Variants in PPEF1 observed in about 807,000 individuals in gnomAD.
PPEF1 encodes protein phosphatase with EF-hand domain 1.
A neutral mutation model predicts 53.3 loss-of-function variants in PPEF1; 12 were observed. That is an observed-to-expected ratio of 0.23 (90% CI 0.14 to 0.36). The LOEUF is 0.36. Ranked by LOEUF, PPEF1 falls within the 10% of genes least tolerant of loss-of-function variation. The pLI is 1.00. For missense variants in PPEF1, 334 were observed against 490.4 expected (o/e 0.68, Z 3.01); for synonymous variants, 165 against 176.7 (o/e 0.93, Z 0.52).
At chrX:18,778,843 T>A (rs750802889) in intron 6 of PPEF1, among the ~76,000 whole-genome samples, 167 bp from the exon 7 acceptor site, 4 of 111,320 alleles carry the variant, frequency 3.6e-5, no homozygotes, top group Non-Finnish European at 7.5e-5. Flanking sequence ...AGGAGATGCC[T>A]GCCGTGGAAG....
chrX:18,805,004 T>G (rs1281357825), intron 11 of PPEF1, among the ~76,000 whole-genome samples: 1 of 110,601 alleles, frequency 9.0e-6, no homozygotes, highest in Non-Finnish European at 1.9e-5. Flanking sequence ...TTCTTTTTTT[T>G]GAGACAGAGT....
chrX:18,786,422 A>G (rs1014463710), intron 9 of PPEF1, among the ~76,000 whole-genome samples: 1 of 111,826 alleles, frequency 8.9e-6, no homozygotes, highest in Non-Finnish European at 1.9e-5. Context: ...TTCCACACGT[A>G]TAAACTGAAG....
intron 10 of PPEF1, among the ~76,000 whole-genome samples, chrX:18,803,241 C>T (rs1047700694): frequency 8.8e-6 from 1 of 113,100 alleles, no homozygotes; most frequent in African/African-American, 3.2e-5. Flanking sequence ...AGGAGCATGT[C>T]CCTAAGGCAC....
At chrX:18,739,611 G>A (rs1008298825) in intron 3 of PPEF1, among the ~76,000 whole-genome samples, 14 of 112,242 alleles carry the variant, frequency 1.2e-4, no homozygotes, top group Non-Finnish European at 2.3e-4. Context: ...CAGTCTGTCC[G>A]TTGTCAGATC....
At chrX:18,811,508 T>G (rs1377121160) in intron 12 of PPEF1, among the ~76,000 whole-genome samples, 1 of 108,895 alleles carries the variant, frequency 9.2e-6, no homozygotes, top group Admixed American at 1.0e-4. Context: ...ATATTTCAGG[T>G]ACATTTTCCA....
At chrX:18,771,079 A>T (rs752054590) in intron 6 of PPEF1, among the ~76,000 whole-genome samples, 2 of 112,269 alleles carry the variant, frequency 1.8e-5, no homozygotes, top group Non-Finnish European at 1.9e-5. Context: ...CTAGAAAGCC[A>T]CATGGGGCCA....
At chrX:18,750,143 T>C (rs911776776) in intron 4 of PPEF1, among the ~76,000 whole-genome samples, 191 bp downstream of exon 4, 3 of 112,110 alleles carry the variant, frequency 2.7e-5, no homozygotes, top group African/African-American at 9.7e-5. Flanking sequence ...CTCTGTAGGC[T>C]AACAGCATTT....
chrX:18,738,959 C>T lies in PPEF1; in HGVS notation c.235+5151C>T, dbSNP rs779528521. On this transcript the variant is annotated intron_variant, in intron 3 of 15. Transcript: ENST00000470157. ...TGCATGCGTCATGTAATTCTCGTGCCGTGGTTTTCAGCTCCATCAGGTCAT... is the reference window on the plus strand; with the variant it reads ...TGCATGCGTCATGTAATTCTCGTGCTGTGGTTTTCAGCTCCATCAGGTCAT... 2.3e-4 allele frequency among the ~76,000 whole-genome samples: 26 copies of T among 112,153 alleles called. No individual in the cohort carries two copies. In the East Asian group the frequency reaches 3.3e-3, roughly 14 times the overall value.
intron 10 of PPEF1, among the ~76,000 whole-genome samples, chrX:18,792,556 T>A (rs7056846): frequency 0.012 from 1,300 of 111,198 alleles, 30 homozygotes; most frequent in African/African-American, 0.04. Flanking sequence ...TAATATTTCC[T>A]TTTTTTTGTT....
At chrX:18,749,757 A>ACCCCCCCCC in intron 3 of PPEF1, 35 bp from the exon 4 acceptor site, 1 of 81,195 alleles carries the variant, frequency 1.2e-5, no homozygotes. Flanking sequence ...TCCCACCCCC[A>ACCCCCCCCC]CCCCCACCCC....
chrX:18,811,703 G>A (rs6633152), intron 12 of PPEF1, among the ~76,000 whole-genome samples: 3 of 105,175 alleles, frequency 2.9e-5, no homozygotes, highest in African/African-American at 1.0e-4. Context: ...GGCCTGCGGG[G>A]CTCAATTGAT....
Position 18,769,824 on chromosome X carries a change from G to A in PPEF1, c.558+8248G>A, listed in dbSNP as rs191551037. Among the ~76,000 whole-genome samples, 9 of 112,173 alleles carry A rather than the reference G, an allele frequency of 8.0e-5. No individual in the cohort carries two copies. The East Asian group carries it at 8.4e-4, about 10-fold the overall frequency. ...GGGTTTGCAGAAGAAGAAAATTAAC[G>A]TGGAGTTGACCAGAGCTTATTGTTT... is the stretch of plus-strand genomic sequence containing the variant. On this transcript the variant is annotated intron_variant, in intron 6 of 15. Transcript: ENST00000470157.
At chrX:18,700,484 A>G (rs1358726689) in intron 6 of PPEF1, 2 of 109,643 alleles carry the variant, frequency 1.8e-5, no homozygotes, top group Non-Finnish European at 3.8e-5. Context: ...AGAAGTCTAC[A>G]TCATAAACAT....
chrX:18,719,962 C>A (rs1194335550), intron 1 of PPEF1, among the ~76,000 whole-genome samples: 2 of 111,825 alleles, frequency 1.8e-5, no homozygotes, highest in Admixed American at 1.9e-4. Flanking sequence ...TGGACACCAC[C>A]TTACCCAAGT....
chrX:18,706,818 CTTTTTTTTTTTTTT>C (rs767459911), upstream of PPEF1, among the ~76,000 whole-genome samples: 2 of 46,299 alleles, frequency 4.3e-5, no homozygotes, highest in Non-Finnish European at 4.1e-5. Context: ...TTCAAACCTC[CTTTTTTTTTTTTTT>C]TTTTTTTTTT....
chrX:18,759,556 T>C (rs1448852376), intron 5 of PPEF1, among the ~76,000 whole-genome samples: 1 of 111,794 alleles, frequency 8.9e-6, no homozygotes, highest in African/African-American at 3.2e-5. Context: ...TATCTTTCTG[T>C]CCTTCTTCCC....
Position 18,818,135 on chromosome X carries a change from CAG to C in PPEF1, c.1493_1494del (p.Arg498LysfsTer41). 1 of 1,180,689 alleles carries C rather than the reference CAG, an allele frequency of 8.5e-7. No individual in the cohort carries two copies. The highest frequency in any genetic ancestry group is 1.1e-6 in the Non-Finnish European group (1 of 870,245). ...CTCGTGCTTTCCAACTTCAAGACCA[CAG>C]AAAATCAGGTAACAAATTTGCATAA... ...LTRAFQLQDH[R>X]KSGKLSVSQW... On this transcript the variant is annotated frameshift_variant, in exon 13 of 16. Coordinates refer to ENST00000470157, the MANE Select transcript of PPEF1 (RefSeq NM_001377996.1). LOFTEE classifies it high-confidence loss of function.
In PPEF1 at chrX:18,749,856, G is replaced by A. The variant is rs750920701; in HGVS notation, c.300G>A (p.Ser100=). The A allele has an allele frequency of 3.1e-5, 37 of 1,183,690 alleles. No homozygotes were observed. Among genetic ancestry groups the A allele is most frequent in the Non-Finnish European group, 4.0e-5 (35 of 879,173 alleles). ...DMRDRWDYVD[S]IDVPDSYNGP... Reference sequence around the variant, plus strand: ...GGGATAGATGGGATTATGTGGACTCGATAGATGTCCCAGACTCCTATAATG... The same window carrying A: ...GGGATAGATGGGATTATGTGGACTCAATAGATGTCCCAGACTCCTATAATG... The change falls in exon 4 of 16, where the codon TCG becomes TCA. Residue 100 remains serine, a synonymous_variant. Coordinates refer to ENST00000470157, the MANE Select transcript of PPEF1 (RefSeq NM_001377996.1).
chrX:18,789,161 A>T lies in PPEF1; in HGVS notation c.953A>T (p.Asp318Val), dbSNP rs755027525. Reference sequence around the variant, plus strand: ...ATACCACCAACGGAAACAAACAGAGACCATGACACTGACTCGAAGCACAAT... The same window carrying T: ...ATACCACCAACGGAAACAAACAGAGTCCATGACACTGACTCGAAGCACAAT... ...VLIPPTETNR[D>V]HDTDSKHNKV... The change falls in exon 10 of 16, where the codon GAC (aspartate) becomes GTC (valine). Residue 318 changes from aspartate (D) to valine (V), a missense_variant. By Grantham distance (152) the Asp-to-Val change is radical. Transcript: ENST00000470157. 3 of 1,211,434 alleles carry T rather than the reference A, an allele frequency of 2.5e-6. No homozygotes were observed. The highest frequency in any genetic ancestry group is 2.2e-6 in the Non-Finnish European group (2 of 895,070).
Sources: allele counts gnomAD v4.1 joint callset (sites outside exome capture counted in the v4.1 genomes callset), GRCh38; gene constraint gnomAD v4.1.1; transcripts MANE v1.5; gene names NCBI Gene and HGNC (gene_info 2026-07-23, HGNC 2026-07-21).